Variants in SUGT1 observed in about 807,000 individuals in gnomAD.
SUGT1 encodes the protein protein SGT1 homolog.
A neutral mutation model predicts 56.1 loss-of-function variants in SUGT1; 15 were observed. The ratio of observed to expected loss-of-function variants is 0.27; its 90% CI spans 0.18 to 0.41. The LOEUF is 0.41. Among genes scored for constraint, SUGT1 ranks in the 10% least tolerant of loss-of-function variants. SUGT1 has a pLI of 1.00. For synonymous variants in SUGT1, 123 were observed against 128.6 expected (o/e 0.96, Z 0.30); for missense variants, 347 against 382.2 (o/e 0.91, Z 0.77).
chr13:52,656,618 T>G lies in SUGT1; in HGVS notation c.97-914T>G, dbSNP rs563814206. Among the ~76,000 whole-genome samples, 4 of 152,342 alleles carry G rather than the reference T, an allele frequency of 2.6e-5. No homozygotes were observed. The East Asian group carries it at 7.7e-4, about 29-fold the overall frequency. On this transcript the variant is annotated intron_variant, in intron 2 of 12. Coordinates refer to ENST00000310528, the MANE Select transcript of SUGT1 (RefSeq NM_006704.5). ...GCCCTTAAAGTAGCATCTTACAGCT[T>G]CTTTGCTCTCTTGATTTGAGCCTTA...
At chr13:52,675,858 G>T (rs1963117891) in intron 10 of SUGT1, among the ~76,000 whole-genome samples, 1 of 152,140 alleles carries the variant, frequency 6.6e-6, no homozygotes, top group South Asian at 2.1e-4. Flanking sequence ...CTACTCAATA[G>T]ATGTCATTAT....
At chr13:52,666,364 AC>A (rs778665037) in intron 9 of SUGT1, among the ~76,000 whole-genome samples, 55 of 152,314 alleles carry the variant, frequency 3.6e-4, no homozygotes, top group South Asian at 2.3e-3. Context: ...GGCATGCACC[AC>A]CGTGCCCAGC....
In SUGT1 at chr13:52,698,153, C is replaced by T. The variant is rs903575680; in HGVS notation, c.*10318C>T. The T allele has an allele frequency of 2.0e-5, 3 of 152,158 alleles. No individual in the cohort carries two copies. Among genetic ancestry groups the T allele is most frequent in the African/African-American group, 7.2e-5 (3 of 41,450 alleles). The allele number at this position is 152,158 out of a possible 1,614,324, so 9.4% of individuals were successfully genotyped here. On this transcript the variant is annotated 3_prime_UTR_variant, in exon 13 of 13. Transcript: ENST00000310528. ...AGTTGTTAAAATCAGATCAACAGAG[C>T]ATGTTTTTATGGGCCATCTGACAAG...
chr13:52,678,563 T>C (rs747345201), intron 11 of SUGT1, among the ~76,000 whole-genome samples: 2 of 152,214 alleles, frequency 1.3e-5, no homozygotes, highest in Non-Finnish European at 2.9e-5. Context: ...ATGTTACCTG[T>C]TGAGCACTTG....
At chr13:52,667,990 G>C (rs553083118) in intron 10 of SUGT1, among the ~76,000 whole-genome samples, 1 of 145,920 alleles carries the variant, frequency 6.9e-6, no homozygotes, top group African/African-American at 2.6e-5. Context: ...TTTTTTCCTT[G>C]TTTTTGAGAT....
rs1245105497 is a variant in SUGT1 at position 52,689,899 on chromosome 13, G to T, written c.*2064G>T. 2 of 151,774 alleles carry T rather than the reference G, an allele frequency of 1.3e-5. No individual in the cohort carries two copies. Among genetic ancestry groups the T allele is most frequent in the Non-Finnish European group, 2.9e-5 (2 of 68,018 alleles). The allele number at this position is 151,774 out of a possible 1,614,324, so 9.4% of individuals were successfully genotyped here. A position where few individuals can be genotyped will look rare whatever the true frequency, so the allele number is the denominator to read the frequency against. ...CAGGGAGAATTGCTTGAACCGGGAG[G>T]CAGGGGGTGCAGTGAGCCAAGATCA... On this transcript the variant is annotated 3_prime_UTR_variant, in exon 13 of 13. Transcript: ENST00000310528.
In SUGT1 at chr13:52,660,523, GT is replaced by G. The variant is rs200326012; in HGVS notation, c.328+1278del. On this transcript the variant is annotated intron_variant, in intron 5 of 12. Transcript: ENST00000310528. The stretch of plus-strand genomic sequence containing the variant: ...TTATGTTACATTCTTACTCTGTACT[GT>G]TTTGAATGTTTGCCTTTCTGTTGTG... 3.6e-3 allele frequency among the ~76,000 whole-genome samples: 542 copies of G among 152,284 alleles called. 2 individuals are homozygous for G. Among genetic ancestry groups the G allele is most frequent in the African/African-American group, 0.012 (487 of 41,546 alleles).
intron 5 of SUGT1, among the ~76,000 whole-genome samples, chr13:52,659,707 T>G (rs1236909852): frequency 4.0e-5 from 6 of 150,140 alleles, no homozygotes; most frequent in Non-Finnish European, 7.4e-5. Context: ...TTGTGACTTT[T>G]AATGTTATAT....
chr13:52,673,483 A>G (rs1465428315), intron 10 of SUGT1, among the ~76,000 whole-genome samples: 1 of 152,228 alleles, frequency 6.6e-6, no homozygotes, highest in Non-Finnish European at 1.5e-5. Context: ...TGGATTAAGT[A>G]TAATTTCAAG....
At chr13:52,668,101 G>T (rs1261987871) in intron 10 of SUGT1, among the ~76,000 whole-genome samples, 1 of 151,932 alleles carries the variant, frequency 6.6e-6, no homozygotes, top group Admixed American at 6.6e-5. Context: ...TCCTGCCTCA[G>T]CCTCCTGAGT....
chr13:52,666,218 TG>T (rs1052845155), intron 9 of SUGT1, among the ~76,000 whole-genome samples: 3 of 152,184 alleles, frequency 2.0e-5, no homozygotes, highest in African/African-American at 7.2e-5. Context: ...CCTGAGTAGT[TG>T]GGACTACAGG....
chr13:52,685,040 A>G (rs527483159), intron 12 of SUGT1, among the ~76,000 whole-genome samples: 5 of 148,650 alleles, frequency 3.4e-5, no homozygotes, highest in Admixed American at 2.0e-4. Flanking sequence ...GGTCCCTGGT[A>G]GGTCTATCTT....
Position 52,698,933 on chromosome 13 carries a change from G to A in SUGT1, c.*11098G>A, listed in dbSNP as rs964604321. ...TTTTGAATCAGTACCTTTGAGAGAGGGTCCAGTAAATCTTTGTTTTGAATG... is the reference window on the plus strand; with the variant it reads ...TTTTGAATCAGTACCTTTGAGAGAGAGTCCAGTAAATCTTTGTTTTGAATG... On this transcript the variant is annotated 3_prime_UTR_variant, in exon 13 of 13. Transcript: ENST00000310528. The A allele has an allele frequency of 2.6e-5, 4 of 152,106 alleles. No homozygotes were observed. The highest frequency in any genetic ancestry group is 1.3e-4 in the Admixed American group (2 of 15,274). The allele number at this position is 152,106 out of a possible 1,614,324, so 9.4% of individuals were successfully genotyped here. A position where few individuals can be genotyped will look rare whatever the true frequency, so the allele number is the denominator to read the frequency against.
Position 52,676,232 on chromosome 13 carries a change from T to G in SUGT1, c.630T>G (p.Ile210Met), listed in dbSNP as rs546291389. 1.8e-5 allele frequency: 29 copies of G among 1,610,018 alleles called. No homozygotes were observed. The Admixed American group carries it at 4.1e-4, about 23-fold the overall frequency. The change falls in exon 11 of 13, where the codon ATT (isoleucine) becomes ATG (methionine). Residue 210 changes from isoleucine to methionine, a missense_variant and splice_region_variant. Transcript: ENST00000310528. ...QSTFKVLSTK[I>M]EIKLKKPEAV... is the part of the protein sequence containing the mutation. The stretch of plus-strand genomic sequence containing the variant: ...AGTTTATTTGGTGTTTCCTCCAGAT[T>G]GAAATTAAACTGAAAAAGCCAGAGG...
chr13:52,666,147 G>A (rs1157028093), intron 9 of SUGT1, among the ~76,000 whole-genome samples: 3 of 152,158 alleles, frequency 2.0e-5, no homozygotes, highest in African/African-American at 4.8e-5. Flanking sequence ...GTGCAGTGGC[G>A]CAATTTCGGC....
chr13:52,663,065 C>T, intron 6 of SUGT1, 31 bp from the exon 7 acceptor site: 1 of 1,602,840 alleles, frequency 6.2e-7, no homozygotes, highest in South Asian at 1.1e-5. Flanking sequence ...GCACTGTTCC[C>T]TGAAAATGTT....
In SUGT1 at chr13:52,687,952, C is replaced by T. The variant is rs1164738131; in HGVS notation, c.*117C>T. 5.3e-6 allele frequency: 3 copies of T among 571,104 alleles called. No homozygotes were observed. The highest frequency in any genetic ancestry group is 1.9e-5 in the African/African-American group (1 of 51,312). 35.4% of individuals were successfully genotyped at this position (571,104 alleles called of 1,614,324 possible). A position where few individuals can be genotyped will look rare whatever the true frequency, so the allele number is the denominator to read the frequency against. On this transcript the variant is annotated 3_prime_UTR_variant, in exon 13 of 13. Coordinates refer to ENST00000310528, the MANE Select transcript of SUGT1 (RefSeq NM_006704.5). ...CTTTTTGAAAGATTATACTTCTTTA[C>T]CTCTTTGTGCTTTAGAAATTATTTT...
intron 8 of SUGT1, 82 bp downstream of exon 8, chr13:52,664,139 T>G (rs1365214601): frequency 7.3e-7 from 1 of 1,373,174 alleles, no homozygotes; most frequent in Admixed American, 2.2e-5. Flanking sequence ...AGTAAGCAAA[T>G]TCTTACCATG....
Position 52,688,611 on chromosome 13 carries a change from T to C in SUGT1, c.*776T>C, listed in dbSNP as rs1307310013. The C allele has an allele frequency of 2.0e-5, 3 of 152,224 alleles. No homozygotes were observed. Among genetic ancestry groups the C allele is most frequent in the Middle Eastern group, 3.2e-3 (1 of 316 alleles). 9.4% of individuals were successfully genotyped at this position (152,224 alleles called of 1,614,324 possible). A position where few individuals can be genotyped will look rare whatever the true frequency, so the allele number is the denominator to read the frequency against. Reference sequence around the variant, plus strand: ...TGGGTTTTTTGGTATTTTTTTTCTTTATTAGAAAATCTCTGTTGTCACGTC... The same window carrying C: ...TGGGTTTTTTGGTATTTTTTTTCTTCATTAGAAAATCTCTGTTGTCACGTC... On this transcript the variant is annotated 3_prime_UTR_variant, in exon 13 of 13. Coordinates refer to ENST00000310528, the MANE Select transcript of SUGT1 (RefSeq NM_006704.5).
Sources: allele counts gnomAD v4.1 joint callset (sites outside exome capture counted in the v4.1 genomes callset), GRCh38; gene constraint gnomAD v4.1.1; transcripts MANE v1.5; gene names NCBI Gene and HGNC (gene_info 2026-07-23, HGNC 2026-07-21).